Variants in RYR3 observed in about 807,000 individuals in gnomAD.
The protein encoded by RYR3 is brain ryanodine receptor-calcium release channel.
A neutral mutation model predicts 584.3 loss-of-function variants in RYR3; 207 were observed. The observed-to-expected ratio is 0.35, with a 90% confidence interval of 0.32 to 0.40. The LOEUF (loss-of-function observed/expected upper bound fraction) is 0.40, where lower values mean the gene tolerates loss of function less well. Ranked by LOEUF, RYR3 falls within the 10% of genes least tolerant of loss-of-function variation. RYR3 has a pLI of 1.00. For synonymous variants in RYR3, 2,416 were observed against 2,248.5 expected (o/e 1.07, Z -2.11); for missense variants, 5,616 against 6,089.2 (o/e 0.92, Z 2.59).
At chr15:33,449,432 C>T (rs1044899874) in intron 1 of RYR3, among the ~76,000 whole-genome samples, 2 of 152,184 alleles carry the variant, frequency 1.3e-5, no homozygotes, top group Non-Finnish European at 2.9e-5. Flanking sequence ...CATCGTGAAT[C>T]AAGCCACTAG....
chr15:33,667,806 G>A (rs1379258783), intron 36 of RYR3, among the ~76,000 whole-genome samples: 1 of 152,128 alleles, frequency 6.6e-6, no homozygotes, highest in Non-Finnish European at 1.5e-5. Context: ...GCTCATGCCT[G>A]TAATCCTAGC....
Position 33,640,559 on chromosome 15 carries a change from T to C in RYR3, c.3557-3752T>C, listed in dbSNP as rs1040250612. On this transcript the variant is annotated intron_variant, in intron 27 of 103. Coordinates refer to ENST00000634891, the MANE Select transcript of RYR3 (RefSeq NM_001036.6). ...TAGTTTAAAATGGATTGAAAGTGGA[T>C]CTGTCCTTTGGATTTTTGAGAGAGC... 1.2e-4 allele frequency among the ~76,000 whole-genome samples: 19 copies of C among 152,302 alleles called. 1 individual carries two copies. Among genetic ancestry groups the C allele is most frequent in the East Asian group, 1.2e-3 (6 of 5,178 alleles).
Position 33,370,965 on chromosome 15 carries a change from C to T in RYR3, c.51+59869C>T, listed in dbSNP as rs578012711. The stretch of plus-strand genomic sequence containing the variant: ...AGGGATTTTAGTCTGTTTTGTCCCT[C>T]ACTTGATCCTTCGCTCCAAGAACAA... On this transcript the variant is annotated intron_variant, in intron 1 of 103. Transcript: ENST00000634891. Among the ~76,000 whole-genome samples the T allele has an allele frequency of 7.9e-5, 12 of 152,340 alleles. No homozygotes were observed. The South Asian group carries it at 2.3e-3, about 29-fold the overall frequency.
At chr15:33,668,060 CT>C in intron 36 of RYR3, among the ~76,000 whole-genome samples, 1 of 7,874 alleles carries the variant, frequency 1.3e-4, no homozygotes, top group Admixed American at 2.0e-3. Flanking sequence ...AAGACTCAGT[CT>C]TGAAAAAAAA....
At chr15:33,668,931 AT>A (rs2063649879) in intron 36 of RYR3, among the ~76,000 whole-genome samples, 1 of 152,188 alleles carries the variant, frequency 6.6e-6, no homozygotes, top group Admixed American at 6.5e-5. Context: ...TAATTCTTCC[AT>A]ATAATTACAA....
At chr15:33,712,247 C>T (rs1293705263) in intron 43 of RYR3, among the ~76,000 whole-genome samples, 1 of 152,168 alleles carries the variant, frequency 6.6e-6, no homozygotes, top group Non-Finnish European at 1.5e-5. Context: ...ATTCAAACAC[C>T]TCCCACCAGG....
chr15:33,457,347 G>A (rs190344834), intron 1 of RYR3, among the ~76,000 whole-genome samples: 6 of 152,292 alleles, frequency 3.9e-5, no homozygotes, highest in African/African-American at 1.4e-4. Flanking sequence ...ATCAACTTGT[G>A]TCTGTCAGTG....
chr15:33,686,280 C>G (rs2065004523), intron 38 of RYR3, among the ~76,000 whole-genome samples: 1 of 152,176 alleles, frequency 6.6e-6, no homozygotes, highest in Non-Finnish European at 1.5e-5. Context: ...AAACTACCAT[C>G]AGAGAATACT....
intron 38 of RYR3, among the ~76,000 whole-genome samples, chr15:33,693,303 G>A (rs952395): frequency 2.6e-5 from 4 of 152,104 alleles, no homozygotes; most frequent in South Asian, 2.1e-4. Context: ...CCATGCCTGC[G>A]CCACCACTCC....
intron 1 of RYR3, among the ~76,000 whole-genome samples, chr15:33,438,925 A>T (rs2045973079): frequency 6.6e-6 from 1 of 152,182 alleles, no homozygotes; most frequent in Admixed American, 6.5e-5. Flanking sequence ...ATACATTAGG[A>T]TGTTTTTCTG....
intron 37 of RYR3, 72 bp downstream of exon 37, chr15:33,669,528 G>C (rs1204675914): frequency 7.7e-7 from 1 of 1,305,200 alleles, no homozygotes; most frequent in African/African-American, 1.5e-5. Context: ...TCATTAGAAA[G>C]CTAGTGGGAG....
chr15:33,549,003 G>A (rs1321989819), intron 9 of RYR3, among the ~76,000 whole-genome samples: 1 of 152,084 alleles, frequency 6.6e-6, no homozygotes, highest in Non-Finnish European at 1.5e-5. Flanking sequence ...GGCTCCTGAA[G>A]ATAATCCATT....
In RYR3 at chr15:33,425,802, C is replaced by T. The variant is rs887129713; in HGVS notation, c.52-47617C>T. The stretch of plus-strand genomic sequence containing the variant: ...GACTACAGGCGCCCGCCACCACACC[C>T]GGCTAATTTTTTTGTATTTTTAGTA... On this transcript the variant is annotated intron_variant, in intron 1 of 103. Coordinates refer to ENST00000634891, the MANE Select transcript of RYR3 (RefSeq NM_001036.6). 4.7e-4 allele frequency among the ~76,000 whole-genome samples: 72 copies of T among 151,764 alleles called. 1 individual carries two copies. Among genetic ancestry groups the T allele is most frequent in the African/African-American group, 1.0e-3 (42 of 41,298 alleles).
At chr15:33,457,346 T>C (rs138669222) in intron 1 of RYR3, among the ~76,000 whole-genome samples, 6 of 152,322 alleles carry the variant, frequency 3.9e-5, no homozygotes, top group Non-Finnish European at 8.8e-5. Context: ...AATCAACTTG[T>C]GTCTGTCAGT....
intron 88 of RYR3, 21 bp downstream of exon 88, chr15:33,837,008 TAG>T (rs778967772): frequency 6.3e-7 from 1 of 1,581,842 alleles, no homozygotes; most frequent in South Asian, 1.1e-5. Context: ...TTGGTATAAC[TAG>T]GCCTTCACAC....
chr15:33,684,845 A>G (rs1237712987), intron 38 of RYR3, among the ~76,000 whole-genome samples: 6 of 152,186 alleles, frequency 3.9e-5, no homozygotes, highest in African/African-American at 1.4e-4. Flanking sequence ...CAGCCAAACT[A>G]AGCTTCATAA....
Position 33,810,474 on chromosome 15 carries a change from C to G in RYR3, c.10027-5C>G. On this transcript the variant is annotated splice_polypyrimidine_tract_variant and splice_region_variant and intron_variant, in intron 70 of 103. Transcript: ENST00000634891. ...CTCTCTGTTTATTTCAACATCATCT[C>G]CTAGTCTGGAGGACAAGACCAGGAG... is the stretch of plus-strand genomic sequence containing the variant. 1.9e-6 allele frequency: 3 copies of G among 1,613,946 alleles called. No individual in the cohort carries two copies. Among genetic ancestry groups the G allele is most frequent in the Non-Finnish European group, 2.5e-6 (3 of 1,179,842 alleles).
intron 3 of RYR3, among the ~76,000 whole-genome samples, chr15:33,529,958 A>G (rs1392572321): frequency 6.6e-6 from 1 of 152,170 alleles, no homozygotes; most frequent in Non-Finnish European, 1.5e-5. Context: ...TTGGGCAGCC[A>G]CTGAGCAAAT....
chr15:33,473,247 G>C (rs990820259), intron 1 of RYR3, 172 bp from the exon 2 acceptor site: 1 of 802,266 alleles, frequency 1.2e-6, no homozygotes, highest in Non-Finnish European at 2.2e-6. Flanking sequence ...TAGATGCTCC[G>C]TGATGTCCTG....
Sources: allele counts gnomAD v4.1 joint callset (sites outside exome capture counted in the v4.1 genomes callset), GRCh38; gene constraint gnomAD v4.1.1; transcripts MANE v1.5; gene names NCBI Gene and HGNC (gene_info 2026-07-23, HGNC 2026-07-21).